GJA3: variants seen among roughly 807,000 people sequenced by gnomAD.
The protein encoded by GJA3 is gap junction alpha-3 protein.
For synonymous variants in GJA3, 297 were observed against 292.6 expected (o/e 1.02, Z -0.15); for missense variants, 571 against 620.3 (o/e 0.92, Z 0.84).
intron 1 of GJA3, among the ~76,000 whole-genome samples, chr13:20,154,167 TTGGAAATG>T: frequency 1.3e-5 from 2 of 152,342 alleles, no homozygotes; most frequent in South Asian, 2.1e-4. Flanking sequence ...AGGGTTTGGA[TTGGAAATG>T]CAGTAAGTTT....
chr13:20,160,036 G>A (rs965350346), intron 1 of GJA3, among the ~76,000 whole-genome samples: 3 of 152,106 alleles, frequency 2.0e-5, no homozygotes, highest in African/African-American at 7.2e-5. Context: ...ATGTTTTGGA[G>A]ACATCTTGAT....
Position 20,140,425 on chromosome 13 carries a change from T to C in GJA3, c.*1556A>G, listed in dbSNP as rs771887696. The stretch of plus-strand genomic sequence containing the variant: ...TAGAAAACAGAAAGTATGTTTGGAG[T>C]GTGGTCCCAAATGCATCATCGAGAA... On this transcript the variant is annotated 3_prime_UTR_variant, in exon 2 of 2. Coordinates refer to ENST00000241125, the MANE Select transcript of GJA3 (RefSeq NM_021954.4). 1 of 152,232 alleles carries C rather than the reference T, an allele frequency of 6.6e-6. No homozygotes were observed. Among genetic ancestry groups the C allele is most frequent in the South Asian group, 2.1e-4 (1 of 4,812 alleles). The allele number at this position is 152,232 out of a possible 1,614,324, so 9.4% of individuals were successfully genotyped here.
In GJA3 at chr13:20,142,539, G is replaced by T. The variant is rs572212696; in HGVS notation, c.750C>A (p.Ala250=). The T allele has an allele frequency of 5.1e-6, 8 of 1,561,522 alleles. No individual in the cohort carries two copies. The highest frequency in any genetic ancestry group is 6.1e-6 in the Non-Finnish European group (7 of 1,153,782). Residue 250 remains alanine (A), a synonymous_variant, in exon 2 of 2, where the codon GCC becomes GCA. Coordinates refer to ENST00000241125, the MANE Select transcript of GJA3 (RefSeq NM_021954.4). ...AGCTGGGGGGCAGGGGCGGGGGATC[G>T]GCTGTCCCCAGCGGGGCCTCGGAGG... is the stretch of plus-strand genomic sequence containing the variant. ...PDASEAPLGT[A]DPPPLPPSSR...
intron 1 of GJA3, among the ~76,000 whole-genome samples, chr13:20,155,172 T>A (rs1958900530): frequency 6.6e-6 from 1 of 152,212 alleles, no homozygotes. Context: ...ATTTTATTTT[T>A]AATATCCTAG....
intron 1 of GJA3, among the ~76,000 whole-genome samples, chr13:20,148,156 C>G (rs966700064): frequency 6.6e-6 from 1 of 152,124 alleles, no homozygotes; most frequent in African/African-American, 2.4e-5. Flanking sequence ...GGAAGCCTCC[C>G]CAGCAGATGC....
chr13:20,150,589 C>T (rs2141142327), intron 1 of GJA3, among the ~76,000 whole-genome samples: 1 of 152,312 alleles, frequency 6.6e-6, no homozygotes, highest in Non-Finnish European at 1.5e-5. Context: ...TTCTGTTTTC[C>T]CTTAGTCTTC....
In GJA3 at chr13:20,142,757, G is replaced by A; in HGVS notation, c.532C>T (p.Leu178Phe). The part of the protein sequence containing the change: ...YFLYGFELKP[L>F]YRCDRWPCPN... ...CAGGGCCAGCGGTCGCAGCGGTAGA[G>A]CGGCTTCAGCTCGAAGCCGTACAGA... is the stretch of plus-strand genomic sequence containing the variant. The change falls in exon 2 of 2, where the codon CTC (leucine) becomes TTC (phenylalanine). Residue 178 changes from leucine to phenylalanine, a missense_variant. Physicochemically the swap from Leu to Phe is conservative, Grantham distance 22. Coordinates refer to ENST00000241125, the MANE Select transcript of GJA3 (RefSeq NM_021954.4). The A allele has an allele frequency of 6.2e-7, 1 of 1,613,576 alleles. No individual in the cohort carries two copies. Among genetic ancestry groups the A allele is most frequent in the Non-Finnish European group, 8.5e-7 (1 of 1,179,898 alleles).
chr13:20,155,292 A>C (rs9315350), intron 1 of GJA3, among the ~76,000 whole-genome samples: 78,987 of 152,072 alleles, frequency 0.52, 21,277 homozygotes, highest in African/African-American at 0.56. Flanking sequence ...TTATTTTAAC[A>C]TGAAAATTTT....
chr13:20,155,361 CT>C (rs1205898431), intron 1 of GJA3, among the ~76,000 whole-genome samples: 17 of 150,736 alleles, frequency 1.1e-4, no homozygotes, highest in East Asian at 9.7e-4. Context: ...GGACTAATGT[CT>C]TTTTTTTTAG....
Position 20,142,026 on chromosome 13 carries a change from G to T in GJA3, c.1263C>A (p.Ser421Arg). 1.3e-6 allele frequency: 2 copies of T among 1,550,272 alleles called. No individual in the cohort carries two copies. Among genetic ancestry groups the T allele is most frequent in the East Asian group, 2.4e-5 (1 of 40,918 alleles). Residue 421 changes from serine (S) to arginine (R), a missense_variant, in exon 2 of 2, where the codon AGC becomes AGA. Transcript: ENST00000241125. ...GTCTGGCCCGCCCGCTGCTGGCCCT[G>T]CTGGCCTTGCTGGCCCGACCTGGGT... ...LGDPGRASKA[S>R]RASSGRARPE...
chr13:20,149,801 C>T (rs1322454695), intron 1 of GJA3, among the ~76,000 whole-genome samples: 1 of 152,224 alleles, frequency 6.6e-6, no homozygotes, highest in African/African-American at 2.4e-5. Context: ...TTCTGCACAG[C>T]AGAGCCAGGC....
At position 20,142,014 on chromosome 13, in the gene GJA3, G is replaced by A; in HGVS notation, c.1275C>T (p.Ser425=). The A allele has an allele frequency of 1.3e-6, 2 of 1,550,390 alleles. No individual in the cohort carries two copies. Among genetic ancestry groups the A allele is most frequent in the Non-Finnish European group, 8.7e-7 (1 of 1,146,854 alleles). ...CCAAGTCCTCCGGTCTGGCCCGCCCGCTGCTGGCCCTGCTGGCCTTGCTGG... is the reference window on the plus strand; with the variant it reads ...CCAAGTCCTCCGGTCTGGCCCGCCCACTGCTGGCCCTGCTGGCCTTGCTGG... ...GRASKASRAS[S]GRARPEDLAI The change falls in exon 2 of 2, where the codon AGC becomes AGT. Residue 425 remains serine, a synonymous_variant. Transcript: ENST00000241125.
chr13:20,155,960 A>T (rs1208419192), intron 1 of GJA3, among the ~76,000 whole-genome samples: 2 of 152,092 alleles, frequency 1.3e-5, no homozygotes, highest in African/African-American at 2.4e-5. Context: ...CATTACTCTC[A>T]TCCAGAGCCA....
At chr13:20,150,506 G>A (rs1348748729) in intron 1 of GJA3, among the ~76,000 whole-genome samples, 1 of 152,236 alleles carries the variant, frequency 6.6e-6, no homozygotes, top group Non-Finnish European at 1.5e-5. Context: ...CATCCCCAGA[G>A]AAGGCCACAG....
intron 1 of GJA3, among the ~76,000 whole-genome samples, chr13:20,145,332 G>A (rs895635997): frequency 6.6e-6 from 1 of 152,178 alleles, no homozygotes; most frequent in African/African-American, 2.4e-5. Context: ...GACCCCTGGA[G>A]CTCTTAGAGA....
chr13:20,161,427 C>A (rs1409772757), upstream of GJA3, among the ~76,000 whole-genome samples: 1 of 152,262 alleles, frequency 6.6e-6, no homozygotes, highest in Admixed American at 6.5e-5. Context: ...GCCCGCGCCC[C>A]GCTCGCGCCT....
At chr13:20,151,430 G>A (rs917073197) in intron 1 of GJA3, among the ~76,000 whole-genome samples, 3 of 152,200 alleles carry the variant, frequency 2.0e-5, no homozygotes, top group African/African-American at 7.2e-5. Flanking sequence ...CCCCAGGACG[G>A]CGTAGAACAA....
chr13:20,145,795 C>T (rs535671647), intron 1 of GJA3, among the ~76,000 whole-genome samples: 49 of 152,332 alleles, frequency 3.2e-4, no homozygotes, highest in Middle Eastern at 3.4e-3. Context: ...AGGCCTACAC[C>T]GGTGCCCTGG....
At chr13:20,146,146 C>T (rs1958841253) in intron 1 of GJA3, among the ~76,000 whole-genome samples, 1 of 152,190 alleles carries the variant, frequency 6.6e-6, no homozygotes, top group African/African-American at 2.4e-5. Context: ...GCAGTTCTTG[C>T]TAAAAGGCAG....
Sources: allele counts gnomAD v4.1 joint callset (sites outside exome capture counted in the v4.1 genomes callset), GRCh38; gene constraint gnomAD v4.1.1; transcripts MANE v1.5; gene names NCBI Gene and HGNC (gene_info 2026-07-23, HGNC 2026-07-21).